The following TRIM24 variants were observed in gnomAD, a reference collection of about 807,000 sequenced individuals.
TRIM24 encodes the protein tripartite motif containing 24.
In TRIM24, 29 loss-of-function variants were observed where a neutral mutation model predicts 123.9. That is an observed-to-expected ratio of 0.23 (90% CI 0.17 to 0.32). The LOEUF is 0.32. TRIM24 is among the 10% of genes least tolerant of loss of function. TRIM24 has a pLI of 1.00. For missense variants in TRIM24, 932 were observed against 1,295.3 expected (o/e 0.72, Z 4.31); for synonymous variants, 456 against 461.1 (o/e 0.99, Z 0.14).
intron 2 of TRIM24, among the ~76,000 whole-genome samples, chr7:138,508,789 T>C (rs1796223290): frequency 6.6e-6 from 1 of 151,892 alleles, no homozygotes; most frequent in Admixed American, 6.6e-5. Context: ...TCTCCCTTGC[T>C]GTTTTTTCTG....
chr7:138,465,859 C>T (rs1480486835), intron 1 of TRIM24, among the ~76,000 whole-genome samples: 1 of 152,116 alleles, frequency 6.6e-6, no homozygotes, highest in African/African-American at 2.4e-5. Flanking sequence ...TGTCATTTCC[C>T]TGAGGAAATA....
intron 7 of TRIM24, among the ~76,000 whole-genome samples, chr7:138,549,042 TATA>T (rs1218426497): frequency 6.6e-6 from 1 of 152,156 alleles, no homozygotes; most frequent in Non-Finnish European, 1.5e-5. Flanking sequence ...AAAAGTATAA[TATA>T]ATAAATACAT....
At chr7:138,520,584 G>A (rs1336064217) in intron 4 of TRIM24, among the ~76,000 whole-genome samples, 3 of 152,142 alleles carry the variant, frequency 2.0e-5, no homozygotes, top group Non-Finnish European at 2.9e-5. Context: ...TAGCTACTTG[G>A]GAGACTGAGG....
At chr7:138,565,777 G>A (rs1317718150) in intron 9 of TRIM24, among the ~76,000 whole-genome samples, 1 of 152,198 alleles carries the variant, frequency 6.6e-6, no homozygotes, top group African/African-American at 2.4e-5. Context: ...GGCGTGGTGG[G>A]AATCTAATGG....
chr7:138,536,334 C>T (rs1009110451), intron 6 of TRIM24, among the ~76,000 whole-genome samples: 1 of 152,154 alleles, frequency 6.6e-6, no homozygotes, highest in African/African-American at 2.4e-5. Flanking sequence ...GTTTTTTCCC[C>T]ATCTTTGTGG....
At chr7:138,558,626 T>G (rs1438948290) in intron 9 of TRIM24, among the ~76,000 whole-genome samples, 2 of 152,228 alleles carry the variant, frequency 1.3e-5, no homozygotes, top group African/African-American at 4.8e-5. Context: ...GCTCATAGAA[T>G]GACTCAAAAA....
chr7:138,460,653 T>A lies in TRIM24; in HGVS notation c.105T>A (p.Ser35Arg). Residue 35 changes from serine to arginine, a missense_variant, in exon 1 of 19, where the codon AGT becomes AGA. Coordinates refer to ENST00000343526, the MANE Select transcript of TRIM24 (RefSeq NM_015905.3). Reference protein sequence around the residue: ...AAPSGENEAESRQGPDSERGG... With the variant: ...AAPSGENEAERRQGPDSERGG... ...CGAGCGGGGAGAACGAGGCCGAGAG[T>A]CGGCAGGGCCCGGACTCGGAGCGCG... The A allele has an allele frequency of 6.8e-7, 1 of 1,479,000 alleles. No homozygotes were observed. The highest frequency in any genetic ancestry group is 2.9e-5 in the East Asian group (1 of 34,126). 91.6% of individuals were successfully genotyped at this position (1,479,000 alleles called of 1,614,324 possible).
chr7:138,567,879 T>C (rs984697262), intron 10 of TRIM24, among the ~76,000 whole-genome samples: 1 of 152,208 alleles, frequency 6.6e-6, no homozygotes, highest in Non-Finnish European at 1.5e-5. Context: ...ACCATAGGTA[T>C]TAATTTTTAT....
intron 6 of TRIM24, among the ~76,000 whole-genome samples, chr7:138,531,809 G>A (rs1360656240): frequency 6.6e-6 from 1 of 152,188 alleles, no homozygotes; most frequent in African/African-American, 2.4e-5. Context: ...TTCCACAGTG[G>A]TTGAACTAGT....
At chr7:138,542,803 G>A (rs940815399) in intron 7 of TRIM24, among the ~76,000 whole-genome samples, 1 of 152,138 alleles carries the variant, frequency 6.6e-6, no homozygotes, top group Non-Finnish European at 1.5e-5. Context: ...TTCAAATATT[G>A]AGTGACATCA....
At chr7:138,497,998 TGG>T (rs1394762408) in intron 1 of TRIM24, among the ~76,000 whole-genome samples, 7 of 151,834 alleles carry the variant, frequency 4.6e-5, no homozygotes, top group Non-Finnish European at 8.8e-5. Context: ...TGACCCTGTG[TGG>T]TTTTTTTATT....
chr7:138,550,442 T>G (rs1797188239), intron 7 of TRIM24, among the ~76,000 whole-genome samples: 1 of 151,980 alleles, frequency 6.6e-6, no homozygotes, highest in African/African-American at 2.4e-5. Flanking sequence ...CATCAAAAAT[T>G]GCCACAGGAC....
At chr7:138,472,528 A>G (rs1239706727) in intron 1 of TRIM24, among the ~76,000 whole-genome samples, 2 of 152,186 alleles carry the variant, frequency 1.3e-5, no homozygotes, top group Non-Finnish European at 2.9e-5. Flanking sequence ...GCTGAGAATG[A>G]GAGGGTAACA....
intron 5 of TRIM24, among the ~76,000 whole-genome samples, chr7:138,527,632 G>A (rs1264470239): frequency 6.6e-6 from 1 of 152,176 alleles, no homozygotes; most frequent in African/African-American, 2.4e-5. Context: ...TGCCAGTTTG[G>A]TCTTGAGTTT....
At chr7:138,484,730 T>A (rs1195925435) in intron 1 of TRIM24, among the ~76,000 whole-genome samples, 2 of 152,106 alleles carry the variant, frequency 1.3e-5, no homozygotes, top group Non-Finnish European at 2.9e-5. Flanking sequence ...TGATTTAATT[T>A]CCCTGAAGGA....
At chr7:138,555,951 TTAAG>T (rs1312671450) in intron 9 of TRIM24, among the ~76,000 whole-genome samples, 2 of 152,170 alleles carry the variant, frequency 1.3e-5, no homozygotes, top group African/African-American at 4.8e-5. Context: ...TACACTGGCA[TTAAG>T]TGTCATTTTT....
chr7:138,571,029 G>T, intron 11 of TRIM24, 26 bp downstream of exon 11: 1 of 1,611,650 alleles, frequency 6.2e-7, no homozygotes, highest in Non-Finnish European at 8.5e-7. Context: ...ATTTATACTA[G>T]CCTCTGTTGA....
chr7:138,572,559 CTGAAA>C lies in TRIM24; in HGVS notation c.1879-944_1879-940del, dbSNP rs142407678. Among the ~76,000 whole-genome samples the C allele has an allele frequency of 5.6e-3, 747 of 134,148 alleles. 4 individuals are homozygous for C. The highest frequency in any genetic ancestry group is 0.02 in the African/African-American group (716 of 35,712). 88.0% of individuals were successfully genotyped at this position (134,148 alleles called of 152,430 possible). Reference sequence around the variant, plus strand: ...TTCCTCTTAGGAATTACAGAATAAGCTGAAATGAGTGACTGTTTTCTCATTCCTCC... The same window carrying C: ...TTCCTCTTAGGAATTACAGAATAAGCTGAGTGACTGTTTTCTCATTCCTCC... On this transcript the variant is annotated intron_variant, in intron 11 of 18. Transcript: ENST00000343526.
intron 4 of TRIM24, among the ~76,000 whole-genome samples, chr7:138,519,639 A>C (rs977981210): frequency 6.6e-6 from 1 of 152,212 alleles, no homozygotes; most frequent in Non-Finnish European, 1.5e-5. Flanking sequence ...CGTCCTATGG[A>C]GCAAAATCAT....
Sources: allele counts gnomAD v4.1 joint callset (sites outside exome capture counted in the v4.1 genomes callset), GRCh38; gene constraint gnomAD v4.1.1; transcripts MANE v1.5; gene names NCBI Gene and HGNC (gene_info 2026-07-23, HGNC 2026-07-21).